TMEM229B: variants seen among roughly 807,000 people sequenced by gnomAD.
TMEM229B encodes the protein chromosome 14 open reading frame 83.
In TMEM229B, 6 loss-of-function variants were observed where a neutral mutation model predicts 13.7. That is an observed-to-expected ratio of 0.44 (90% confidence interval 0.24 to 0.86). The LOEUF is 0.86. Among genes scored for constraint, TMEM229B ranks in the 40% least tolerant of loss-of-function variants. The probability of loss-of-function intolerance (pLI) is 0.23; values close to 1 mark genes in which losing one functional copy is unlikely to be tolerated. For synonymous variants in TMEM229B, 107 were observed against 102.1 expected, an observed-to-expected ratio of 1.05 and a Z score of -0.29; for missense variants, 170 against 236.0, an observed-to-expected ratio of 0.72 and a Z score of 1.83.
chr14:67,530,209 T>C (rs1423364127), intron 1 of TMEM229B, among the ~76,000 whole-genome samples: 3 of 152,240 alleles, frequency 2.0e-5, no homozygotes, highest in East Asian at 3.8e-4. Flanking sequence ...CTTCCATTTA[T>C]AGATCACTTG....
At chr14:67,485,635 G>C (rs988269679) in intron 2 of TMEM229B, among the ~76,000 whole-genome samples, 1 of 152,216 alleles carries the variant, frequency 6.6e-6, no homozygotes, top group African/African-American at 2.4e-5. Context: ...ATCCCACCAG[G>C]CTACGGGCCC....
chr14:67,525,054 A>T (rs1021405589), intron 1 of TMEM229B, among the ~76,000 whole-genome samples: 1 of 152,204 alleles, frequency 6.6e-6, no homozygotes, highest in African/African-American at 2.4e-5. Context: ...GAGGATCAAT[A>T]CTTTTAAAAC....
At chr14:67,511,161 G>T (rs1431741676) in intron 1 of TMEM229B, among the ~76,000 whole-genome samples, 1 of 152,098 alleles carries the variant, frequency 6.6e-6, no homozygotes, top group African/African-American at 2.4e-5. Flanking sequence ...AACAATGAAT[G>T]AATGGGCCAG....
chr14:67,493,445 A>G (rs2032245974), upstream of TMEM229B, among the ~76,000 whole-genome samples: 1 of 152,296 alleles, frequency 6.6e-6, no homozygotes, highest in Admixed American at 6.5e-5. Context: ...TGTGTTAGGG[A>G]TAAAAACCCC....
chr14:67,473,991 G>A lies in TMEM229B; in HGVS notation c.-18-50C>T. 2 of 1,486,866 alleles carry A rather than the reference G, an allele frequency of 1.3e-6. No individual in the cohort carries two copies. Among genetic ancestry groups the A allele is most frequent in the South Asian group, 1.4e-5 (1 of 73,090 alleles). 92.1% of individuals were successfully genotyped at this position (1,486,866 alleles called of 1,614,324 possible). A position where few individuals can be genotyped will look rare whatever the true frequency, so the allele number is the denominator to read the frequency against. ...GTGAGGGCCGGGCGCGGTGGCTCAC[G>A]CCTATAATCCCTGCGCTTTGGGAGG... On this transcript the variant is annotated intron_variant, in intron 2 of 2. Coordinates refer to ENST00000554480, the MANE Select transcript of TMEM229B (RefSeq NM_001348543.2). This position sits in a 1 kb window ranked among gnomAD's most constrained non-coding sequence, Gnocchi z 6.5.
At position 67,494,309 on chromosome 14, in the gene TMEM229B, G is replaced by A. The variant is rs1030194832; in HGVS notation, c.-191-7137C>T. 1.3e-5 allele frequency among the ~76,000 whole-genome samples: 2 copies of A among 152,164 alleles called. 1 individual carries two copies. Among genetic ancestry groups the A allele is most frequent in the South Asian group, 4.1e-4 (2 of 4,824 alleles). On this transcript the variant is annotated intron_variant, in intron 1 of 2. Coordinates refer to the TMEM229B transcript ENST00000357461. ...ATAAGAGGACCCATTACATTCATTA[G>A]GACAGCCTCAAACCAGCCTGAGAAA... is the stretch of plus-strand genomic sequence containing the variant.
chr14:67,503,999 G>C (rs980654700), intron 1 of TMEM229B, among the ~76,000 whole-genome samples: 11 of 147,220 alleles, frequency 7.5e-5, no homozygotes, highest in Non-Finnish European at 1.2e-4. Context: ...ACTGTGCCCA[G>C]CCTATTTTTT....
chr14:67,504,603 T>C (rs1025783640), intron 1 of TMEM229B, among the ~76,000 whole-genome samples: 1 of 152,098 alleles, frequency 6.6e-6, no homozygotes, highest in Non-Finnish European at 1.5e-5. Context: ...TAAAAAACAA[T>C]AGGCCATGTG....
chr14:67,490,726 C>A (rs1413265353), upstream of TMEM229B, among the ~76,000 whole-genome samples: 1 of 152,174 alleles, frequency 6.6e-6, no homozygotes, highest in Non-Finnish European at 1.5e-5. Flanking sequence ...GGCCTGGAAC[C>A]TAACACTGGA....
chr14:67,485,721 C>T (rs764217879), intron 2 of TMEM229B, among the ~76,000 whole-genome samples: 3 of 152,188 alleles, frequency 2.0e-5, no homozygotes, highest in African/African-American at 7.2e-5. Context: ...TTTTTTAAGG[C>T]ATCATCAAGG....
chr14:67,497,156 G>T (rs1247278566), intron 1 of TMEM229B, among the ~76,000 whole-genome samples: 1 of 152,156 alleles, frequency 6.6e-6, no homozygotes, highest in African/African-American at 2.4e-5. Context: ...AGAAATCACA[G>T]CGAGGGAGAG....
Position 67,473,127 on chromosome 14 carries a change from A to C in TMEM229B, c.*293T>G. The C allele has an allele frequency of 2.4e-6, 1 of 420,076 alleles. No individual in the cohort carries two copies. 26.0% of individuals were successfully genotyped at this position (420,076 alleles called of 1,614,324 possible). ...GGGCCTGCTGCTTCCAAAGTCAACT[A>C]CATAGTCCATCGCTGCTCAGCCACA... On this transcript the variant is annotated 3_prime_UTR_variant, in exon 3 of 3. Transcript: ENST00000554480. The surrounding 1 kb of genome is among the most constrained non-coding windows in gnomAD (Gnocchi z 6.5).
At chr14:67,493,496 C>G (rs1453848262), upstream of TMEM229B, among the ~76,000 whole-genome samples, 4 of 152,224 alleles carry the variant, frequency 2.6e-5, no homozygotes, top group African/African-American at 9.6e-5. Context: ...TCGTAACTGA[C>G]ACAGGCCGCA....
At chr14:67,532,048 G>T (rs1227972235) in intron 1 of TMEM229B, among the ~76,000 whole-genome samples, 1 of 152,146 alleles carries the variant, frequency 6.6e-6, no homozygotes, top group Non-Finnish European at 1.5e-5. Context: ...ACAAAATGGG[G>T]CTAATCTATC....
At chr14:67,476,192 T>G (rs1566671885) in intron 2 of TMEM229B, among the ~76,000 whole-genome samples, 1 of 152,242 alleles carries the variant, frequency 6.6e-6, no homozygotes, top group South Asian at 2.1e-4. Flanking sequence ...GCCTCACATT[T>G]CAGCTGAAGC....
chr14:67,499,853 A>AAG (rs1242477799), intron 1 of TMEM229B, among the ~76,000 whole-genome samples: 1 of 152,126 alleles, frequency 6.6e-6, no homozygotes, highest in Non-Finnish European at 1.5e-5. Flanking sequence ...TTAAAAAAAA[A>AAG]AAGTTATGCC....
intron 2 of TMEM229B, among the ~76,000 whole-genome samples, chr14:67,475,477 C>T (rs2031126268): frequency 1.3e-5 from 2 of 152,186 alleles, no homozygotes; most frequent in African/African-American, 4.8e-5. Flanking sequence ...CTGTTTTCCA[C>T]AGTGGCCACA....
chr14:67,506,258 T>C (rs2032822855), intron 1 of TMEM229B, among the ~76,000 whole-genome samples: 1 of 152,204 alleles, frequency 6.6e-6, no homozygotes, highest in African/African-American at 2.4e-5. Context: ...GAGACTATGC[T>C]TGTAAGACTT....
At chr14:67,481,046 T>A (rs1382080468) in intron 2 of TMEM229B, among the ~76,000 whole-genome samples, 1 of 152,258 alleles carries the variant, frequency 6.6e-6, no homozygotes, top group East Asian at 1.9e-4. Context: ...GTCCCAGCAC[T>A]TTTGGAGGCT....
Sources: gnomAD v4.1 joint callset for allele counts (sites outside exome capture counted in the v4.1 genomes callset) on GRCh38, gnomAD v4.1.1 for gene constraint, Gnocchi (gnomAD v3.1) non-coding constraint, MANE v1.5 for transcripts, NCBI Gene and HGNC (gene_info 2026-07-23, HGNC 2026-07-21) for gene names.